POLG: variants seen among roughly 807,000 people sequenced by gnomAD.
POLG encodes the protein DNA polymerase subunit gamma-1.
In POLG, 110 loss-of-function variants were observed where a neutral mutation model predicts 155.4. The ratio of observed to expected loss-of-function variants is 0.71; its 90% confidence interval spans 0.61 to 0.83. POLG has a LOEUF of 0.83. Among genes scored for constraint, POLG ranks in the 40% least tolerant of loss-of-function variants. The pLI, the probability that POLG is intolerant of heterozygous loss-of-function variation, is 0.00. For synonymous variants in POLG, 701 were observed against 631.5 expected, an observed-to-expected ratio of 1.11 and a Z score of -1.65; for missense variants, 1,685 against 1,627.5, an observed-to-expected ratio of 1.04 and a Z score of -0.61.
intron 6 of POLG, 45 bp downstream of exon 6, chr15:89,328,411 G>T: frequency 6.7e-7 from 1 of 1,493,760 alleles, no homozygotes; most frequent in Non-Finnish European, 9.3e-7. Context: ...CCGGGTACCA[G>T]GAACACACTG....
In POLG at chr15:89,333,629, C is replaced by G; in HGVS notation, c.126G>C (p.Arg42=). ...GCTGCTGCTGCTGCTGCTGCTGCTGCCGCCGCCGCTGCCCGTCGCTGGGGT... is the reference window on the plus strand; with the variant it reads ...GCTGCTGCTGCTGCTGCTGCTGCTGGCGCCGCCGCTGCCCGTCGCTGGGGT... ...ASDPSDGQRR[R]QQQQQQQQQQ... Residue 42 remains arginine, a synonymous_variant, in exon 2 of 23, where the codon CGG becomes CGC. Transcript: ENST00000268124. 5 of 1,594,512 alleles carry G rather than the reference C, an allele frequency of 3.1e-6. No homozygotes were observed. The highest frequency in any genetic ancestry group is 4.3e-6 in the Non-Finnish European group (5 of 1,173,366).
Position 89,316,512 on chromosome 15 carries a change from A to G in POLG, c.*239T>C. On this transcript the variant is annotated 3_prime_UTR_variant, in exon 23 of 23. Transcript: ENST00000268124. ...TGGGGCTTCTGCTTCATTTTTACCCAACAAGCAACAATGCCCCTTGTCCTG... is the reference window on the plus strand; with the variant it reads ...TGGGGCTTCTGCTTCATTTTTACCCGACAAGCAACAATGCCCCTTGTCCTG... The G allele has an allele frequency of 7.1e-6, 11 of 1,542,258 alleles. No homozygotes were observed. The highest frequency in any genetic ancestry group is 9.7e-6 in the Non-Finnish European group (11 of 1,129,664).
At position 89,325,897 on chromosome 15, in the gene POLG, A is replaced by C. The variant is rs1596357287; in HGVS notation, c.1713-211T>G. Among the ~76,000 whole-genome samples, 2 of 152,324 alleles carry C rather than the reference A, an allele frequency of 1.3e-5. 1 individual carries two copies. ...GAATATTTCAAAAGCAAAGACACTA[A>C]GTCAGTCCCACTGGACTAGTCAGAA... On this transcript the variant is annotated intron_variant, in intron 9 of 22. Transcript: ENST00000268124.
In POLG at chr15:89,333,457, C is replaced by T; in HGVS notation, c.298G>A (p.Val100Met). 3 of 1,610,948 alleles carry T rather than the reference C, an allele frequency of 1.9e-6. No homozygotes were observed. The highest frequency in any genetic ancestry group is 2.5e-6 in the Non-Finnish European group (3 of 1,179,668). ...TGCAGGTGCTCGACGCTGCGGCGCA[C>T]CGCGGCCTCGCCAGGCATCTCCCCT... ...QGGEMPGEAAVRRSVEHLQKH... is the reference protein window; with the variant it reads ...QGGEMPGEAAMRRSVEHLQKH... The change falls in exon 2 of 23, where the codon GTG (valine) becomes ATG (methionine). Residue 100 changes from valine to methionine, a missense_variant. Physicochemically the swap from Val to Met is conservative, Grantham distance 21. Around this residue, in one of 3 missense-constraint regions of POLG, gnomAD observed 1,210 missense variants for 1,167.1 expected, o/e 1.04. Coordinates refer to ENST00000268124, the MANE Select transcript of POLG (RefSeq NM_002693.3).
intron 12 of POLG, 59 bp from the exon 13 acceptor site, chr15:89,323,570 C>T: frequency 8.7e-7 from 1 of 1,143,090 alleles, no homozygotes; most frequent in Non-Finnish European, 1.3e-6. Flanking sequence ...CAGCAAGGGC[C>T]ATGGGGTAGG....
chr15:89,325,119 T>TGAGTGAGTGAGA (rs1338794660), intron 10 of POLG, among the ~76,000 whole-genome samples: 5 of 36,618 alleles, frequency 1.4e-4, no homozygotes, highest in African/African-American at 7.2e-4. Context: ...AGAGAGTGAG[T>TGAGTGAGTGAGA]GAGTGAGTGA....
chr15:89,323,818 A>T lies in POLG; in HGVS notation c.2154T>A (p.Ala718=). ...LRAAVPGQPL[A]LTARGGPKDT... ...CCCAAGCCGGCGCACTGCTCACCAGAGCTAGGGGTTGACCTGGCACTGCAG... is the reference window on the plus strand; with the variant it reads ...CCCAAGCCGGCGCACTGCTCACCAGTGCTAGGGGTTGACCTGGCACTGCAG... The change falls in exon 12 of 23, where the codon GCT becomes GCA. Residue 718 remains alanine (A), a synonymous_variant. Coordinates refer to ENST00000268124, the MANE Select transcript of POLG (RefSeq NM_002693.3). 6.2e-7 allele frequency: 1 copy of T among 1,612,980 alleles called. No homozygotes were observed. Among genetic ancestry groups the T allele is most frequent in the Non-Finnish European group, 8.5e-7 (1 of 1,178,994 alleles).
Position 89,328,546 on chromosome 15 carries a change from G to T in POLG, c.1171-11C>A. 6.2e-7 allele frequency: 1 copy of T among 1,613,588 alleles called. No individual in the cohort carries two copies. Among genetic ancestry groups the T allele is most frequent in the Non-Finnish European group, 8.5e-7 (1 of 1,179,776 alleles). On this transcript the variant is annotated splice_polypyrimidine_tract_variant and intron_variant, in intron 5 of 22. Transcript: ENST00000268124. ...GTACTGCATCAGGTCCTGGCACAAG[G>T]TGACAGGAAGGCGCAAGGTGGGCAG...
At chr15:89,334,297 G>C (rs1336063278) in intron 1 of POLG, 1 of 162,344 alleles carries the variant, frequency 6.2e-6, no homozygotes, top group African/African-American at 2.4e-5. Flanking sequence ...TGCTGTCTGG[G>C]GGACACAGGG....
chr15:89,321,372 C>T (rs1277801667), intron 16 of POLG, 112 bp from the exon 17 acceptor site: 1 of 1,230,506 alleles, frequency 8.1e-7, no homozygotes, highest in East Asian at 2.5e-5. Context: ...TAGAGAATGC[C>T]AGACAGCACT....
chr15:89,330,225 G>T lies in POLG; in HGVS notation c.711C>A (p.Ser237Arg), dbSNP rs1024080032. The change falls in exon 3 of 23, where the codon AGC (serine) becomes AGA (arginine). Residue 237 changes from serine to arginine, a missense_variant. Coordinates refer to ENST00000268124, the MANE Select transcript of POLG (RefSeq NM_002693.3). ...RLVEERYSWT[S>R]QLSPADLIPL... ...GGATGAGGTCAGCCGGCGACAGCTG[G>T]CTGGTCCAAGAGTAACGCTCTTCCA... The T allele has an allele frequency of 6.2e-7, 1 of 1,613,380 alleles. No individual in the cohort carries two copies. The highest frequency in any genetic ancestry group is 8.5e-7 in the Non-Finnish European group (1 of 1,179,986).
At chr15:89,322,295 C>T (rs1181052246) in intron 14 of POLG, among the ~76,000 whole-genome samples, 1 of 152,226 alleles carries the variant, frequency 6.6e-6, no homozygotes, top group Non-Finnish European at 1.5e-5. Flanking sequence ...AATGCCTCTT[C>T]CTACACACAG....
rs765506021 is a variant in POLG at position 89,325,527 on chromosome 15, C to T, written c.1872G>A (p.Val624=). 3 of 1,612,596 alleles carry T rather than the reference C, an allele frequency of 1.9e-6. No individual in the cohort carries two copies. Among genetic ancestry groups the T allele is most frequent in the East Asian group, 4.5e-5 (2 of 44,874 alleles). Residue 624 remains valine (V), a synonymous_variant, in exon 10 of 23, where the codon GTG becomes GTA. Coordinates refer to ENST00000268124, the MANE Select transcript of POLG (RefSeq NM_002693.3). ...TGGCCAGGTTGTCCCGCCGCCCAGG[C>T]ACCAAGTAGCCCCAGCCATGACGCT... is the stretch of plus-strand genomic sequence containing the variant. ...YSERHGWGYL[V]PGRRDNLAKL...
intron 18 of POLG, among the ~76,000 whole-genome samples, chr15:89,319,774 G>A (rs1405091021): frequency 6.6e-6 from 1 of 152,190 alleles, no homozygotes; most frequent in Non-Finnish European, 1.5e-5. Flanking sequence ...AAGGGGAGGG[G>A]GCATTTGTTG....
chr15:89,316,638 G>A lies in POLG; in HGVS notation c.*113C>T. 8.6e-7 allele frequency: 1 copy of A among 1,160,142 alleles called. No individual in the cohort carries two copies. Among genetic ancestry groups the A allele is most frequent in the Admixed American group, 1.8e-5 (1 of 55,916 alleles). 71.9% of individuals were successfully genotyped at this position (1,160,142 alleles called of 1,614,324 possible). A position where few individuals can be genotyped will look rare whatever the true frequency, so the allele number is the denominator to read the frequency against. On this transcript the variant is annotated 3_prime_UTR_variant, in exon 23 of 23. Coordinates refer to ENST00000268124, the MANE Select transcript of POLG (RefSeq NM_002693.3). ...TTGGCAGGTCCTGCTACTGAAAAAT[G>A]GCTGGCCTTAGGCAAGCCCTTTTGC...
At position 89,326,985 on chromosome 15, in the gene POLG, C is replaced by T. The variant is rs1168275019; in HGVS notation, c.1512G>A (p.Lys504=). 3 of 1,614,088 alleles carry T rather than the reference C, an allele frequency of 1.9e-6. No individual in the cohort carries two copies. The highest frequency in any genetic ancestry group is 1.3e-5 in the African/African-American group (1 of 74,938). The change falls in exon 8 of 23, where the codon AAG becomes AAA. Residue 504 remains lysine, a synonymous_variant. Transcript: ENST00000268124. ...EFKQKKAKKV[K]KEPATASKLP... ...ACTTGCTGGCTGTGGCTGGTTCCTT[C>T]TTCACCTTCTTAGCTTTCTTCTGCT...
intron 14 of POLG, 84 bp from the exon 15 acceptor site, chr15:89,322,099 A>T: frequency 8.0e-7 from 1 of 1,246,182 alleles, no homozygotes; most frequent in Non-Finnish European, 1.2e-6. Flanking sequence ...TCACCTGCCC[A>T]CCTCCAGGAC....
Position 89,318,663 on chromosome 15 carries a change from A to G in POLG, c.3360T>C (p.Phe1120=), listed in dbSNP as rs573272388. 2.5e-6 allele frequency: 4 copies of G among 1,614,252 alleles called. No individual in the cohort carries two copies. In the South Asian group the frequency reaches 4.4e-5, roughly 18 times the overall value. Residue 1120 remains phenylalanine, a synonymous_variant, in exon 21 of 23, where the codon TTT becomes TTC. Coordinates refer to ENST00000268124, the MANE Select transcript of POLG (RefSeq NM_002693.3). The part of the protein sequence containing the change: ...HLMLVAMKWL[F]EEFAIDGRFC... ...AGCGCCCATCTATGGCAAACTCTTC[A>G]AACAGCCACTTCATGGCCACAAGCA...
intron 12 of POLG, 124 bp downstream of exon 12, chr15:89,323,691 G>A (rs2055430820): frequency 2.2e-6 from 2 of 892,238 alleles, no homozygotes; most frequent in Non-Finnish European, 3.8e-6. Context: ...CCTCCCAGGG[G>A]CAGGGTGGCA....
Sources: gnomAD v4.1 joint callset for allele counts (sites outside exome capture counted in the v4.1 genomes callset) on GRCh38, gnomAD v4.1.1 for gene constraint, gnomAD v4.1.1 regional missense constraint, MANE v1.5 for transcripts, NCBI Gene and HGNC (gene_info 2026-07-23, HGNC 2026-07-21) for gene names.